INTS7: variants seen among roughly 807,000 people sequenced by gnomAD.
INTS7 encodes chromosome 1 open reading frame 73.
A neutral mutation model predicts 109.2 loss-of-function variants in INTS7; 46 were observed. That is an observed-to-expected ratio of 0.42 (90% CI 0.33 to 0.54). The LOEUF is 0.54. INTS7 is among the 20% of genes least tolerant of loss of function. INTS7 has a pLI of 0.07. For missense variants in INTS7, 929 were observed against 1,132.4 expected (o/e 0.82, Z 2.58); for synonymous variants, 412 against 402.9 (o/e 1.02, Z -0.27).
chr1:211,974,276 A>ATATATATATATATATAT (rs1553249482), intron 13 of INTS7, among the ~76,000 whole-genome samples: 2 of 92,418 alleles, frequency 2.2e-5, no homozygotes, highest in East Asian at 2.8e-4. Context: ...AGAAAAAAAA[A>ATATATATATATATATAT]ATATATATAT....
At position 211,955,108 on chromosome 1, in the gene INTS7, T is replaced by C. The variant is rs1052224565; in HGVS notation, c.2184-2407A>G. 4.0e-4 allele frequency among the ~76,000 whole-genome samples: 61 copies of C among 152,312 alleles called. No homozygotes were observed. The Middle Eastern group carries it at 0.014, about 34-fold the overall frequency. ...TAGTTCTCCTTGAAGAGGTCCTTCTTGTCCCTTGTAAGTTGGATTCCTAGG... is the reference window on the plus strand; with the variant it reads ...TAGTTCTCCTTGAAGAGGTCCTTCTCGTCCCTTGTAAGTTGGATTCCTAGG... On this transcript the variant is annotated intron_variant, in intron 16 of 19. Transcript: ENST00000366994.
intron 16 of INTS7, among the ~76,000 whole-genome samples, chr1:211,961,230 A>G (rs749792453): frequency 9.2e-5 from 14 of 152,050 alleles, no homozygotes; most frequent in Non-Finnish European, 1.8e-4. Flanking sequence ...CAGGAACTGC[A>G]GAGAACCCCA....
At chr1:212,032,479 C>G (rs1667210935) in intron 1 of INTS7, among the ~76,000 whole-genome samples, 1 of 151,468 alleles carries the variant, frequency 6.6e-6, no homozygotes, top group Non-Finnish European at 1.5e-5. Context: ...CTCTGGTTAT[C>G]TTTCTTTTTT....
chr1:212,016,061 TG>T (rs1162160459), intron 4 of INTS7, among the ~76,000 whole-genome samples: 1 of 152,204 alleles, frequency 6.6e-6, no homozygotes, highest in African/African-American at 2.4e-5. Context: ...GGTTTTAAGT[TG>T]TTACCGTATT....
intron 16 of INTS7, 80 bp from the exon 17 acceptor site, chr1:211,952,781 A>G: frequency 8.4e-7 from 1 of 1,195,866 alleles, no homozygotes; most frequent in East Asian, 2.5e-5. Context: ...TACTTTCAAC[A>G]TATTTTCATT....
In INTS7 at chr1:212,011,405, T is replaced by C; in HGVS notation, c.526A>G (p.Ile176Val). The C allele has an allele frequency of 6.3e-7, 1 of 1,583,748 alleles. No individual in the cohort carries two copies. The highest frequency in any genetic ancestry group is 8.6e-7 in the Non-Finnish European group (1 of 1,156,864). Residue 176 changes from isoleucine to valine, a missense_variant, in exon 5 of 20, where the codon ATC becomes GTC. By Grantham distance (29) the Ile-to-Val change is conservative (BLOSUM62 3). Transcript: ENST00000366994. ...SAQSKDFAVG[I>V]CNKISEMIQG... ...ATCATTTCACTGATTTTGTTACAGA[T>C]TCCTACAGCAAAATCCCTTTGGAAA...
intron 17 of INTS7, among the ~76,000 whole-genome samples, chr1:211,948,660 C>T (rs989339223): frequency 3.3e-5 from 5 of 152,204 alleles, no homozygotes; most frequent in African/African-American, 7.2e-5. Context: ...ATGTAAATTA[C>T]GTATCATGAT....
At chr1:212,023,987 T>C (rs2993526) in intron 1 of INTS7, among the ~76,000 whole-genome samples, 7,006 of 152,298 alleles carry the variant, frequency 0.046, 224 homozygotes, top group African/African-American at 0.084. Context: ...TCCCATTGCT[T>C]ATTTTTATCG....
chr1:212,007,646 T>A (rs1665987886), intron 5 of INTS7, among the ~76,000 whole-genome samples, 197 bp from the exon 6 acceptor site: 1 of 152,192 alleles, frequency 6.6e-6, no homozygotes, highest in Non-Finnish European at 1.5e-5. Flanking sequence ...GACATTAACT[T>A]TTCAATGATT....
intron 13 of INTS7, among the ~76,000 whole-genome samples, chr1:211,970,576 G>C (rs116383530): frequency 0.026 from 3,935 of 152,092 alleles, 56 homozygotes; most frequent in African/African-American, 0.045. Flanking sequence ...TTAGTATCCA[G>C]AACATATAAA....
chr1:211,984,691 G>C (rs1029918629), intron 8 of INTS7, among the ~76,000 whole-genome samples: 1 of 152,156 alleles, frequency 6.6e-6, no homozygotes, highest in African/African-American at 2.4e-5. Flanking sequence ...AGGCTAGTGA[G>C]AGAAAAGTTT....
chr1:212,000,356 A>G (rs1217584862), intron 7 of INTS7, among the ~76,000 whole-genome samples: 2 of 152,222 alleles, frequency 1.3e-5, no homozygotes, highest in Non-Finnish European at 2.9e-5. Context: ...CGCTGGAAAA[A>G]GTTCTACATT....
chr1:212,004,617 A>C (rs1282567755), intron 7 of INTS7, among the ~76,000 whole-genome samples: 3 of 152,222 alleles, frequency 2.0e-5, no homozygotes, highest in Admixed American at 6.5e-5. Flanking sequence ...CTTTATATTC[A>C]GTGTAATCCC....
intron 1 of INTS7, among the ~76,000 whole-genome samples, chr1:212,021,716 T>C (rs1450469432): frequency 6.7e-6 from 1 of 149,066 alleles, no homozygotes; most frequent in Admixed American, 6.7e-5. Context: ...AGTGTGGTTG[T>C]GTGTGCCTGT....
intron 13 of INTS7, among the ~76,000 whole-genome samples, chr1:211,969,551 C>CTTTTTTTTTT (rs36104773): frequency 1.0e-3 from 88 of 84,896 alleles, no homozygotes; most frequent in Non-Finnish European, 1.4e-3. Context: ...TTTTTCTTTT[C>CTTTTTTTTTT]TTTTTTTTTT....
At chr1:212,005,866 T>C (rs1173941313) in intron 7 of INTS7, among the ~76,000 whole-genome samples, 1 of 152,106 alleles carries the variant, frequency 6.6e-6, no homozygotes, top group Admixed American at 6.6e-5. Flanking sequence ...TCTGTGACTA[T>C]CAAATCATAA....
At chr1:212,028,535 G>A (rs1667026324) in intron 1 of INTS7, among the ~76,000 whole-genome samples, 1 of 152,170 alleles carries the variant, frequency 6.6e-6, no homozygotes, top group South Asian at 2.1e-4. Context: ...GGGGATACAT[G>A]AGTAGAATGG....
rs748874040 is a variant in INTS7 at position 211,942,140 on chromosome 1, CA to C, written c.2602-30del. 1 of 1,603,022 alleles carries C rather than the reference CA, an allele frequency of 6.2e-7. No homozygotes were observed. The highest frequency in any genetic ancestry group is 8.5e-7 in the Non-Finnish European group (1 of 1,173,504). On this transcript the variant is annotated intron_variant, in intron 19 of 19. Transcript: ENST00000366994. The surrounding 1 kb of genome is among the most constrained non-coding windows in gnomAD (Gnocchi z 4.2). ...CAATGAAACAATTGTTAACTAACAA[CA>C]ATGGCTAACATTTCTTCAGTGCTTA...
At position 212,007,296 on chromosome 1, in the gene INTS7, G is replaced by A; in HGVS notation, c.710C>T (p.Thr237Ile). 1.2e-6 allele frequency: 2 copies of A among 1,614,004 alleles called. No homozygotes were observed. The highest frequency in any genetic ancestry group is 1.7e-6 in the Non-Finnish European group (2 of 1,179,944). Residue 237 changes from threonine (T) to isoleucine (I), a missense_variant, in exon 6 of 20, where the codon ACT (threonine) becomes ATT (isoleucine). By Grantham distance (89) the Thr-to-Ile change is moderately conservative. Transcript: ENST00000366994. The stretch of plus-strand genomic sequence containing the variant: ...AGATGACGCTGCAAGCAGAGTGAAA[G>A]TGTGCAAAGACACAATCACCATTTT... ...STKMVIVSLHTFTLLAASSLV... is the reference protein window; with the variant it reads ...STKMVIVSLHIFTLLAASSLV...
Sources: gnomAD v4.1 joint callset for allele counts (sites outside exome capture counted in the v4.1 genomes callset) on GRCh38, gnomAD v4.1.1 for gene constraint, Gnocchi (gnomAD v3.1) non-coding constraint, MANE v1.5 for transcripts, NCBI Gene and HGNC (gene_info 2026-07-23, HGNC 2026-07-21) for gene names.